TAOK2: variants seen among roughly 807,000 people sequenced by gnomAD.
TAOK2 encodes the protein TAO kinase 2.
In TAOK2, 42 loss-of-function variants were observed where a neutral mutation model predicts 122.5. The observed-to-expected ratio is 0.34, with a 90% CI of 0.27 to 0.44. The LOEUF is 0.44. Among genes scored for constraint, TAOK2 ranks in the 20% least tolerant of loss-of-function variants. The pLI is 1.00. For missense variants in TAOK2, 1,264 were observed against 1,644.9 expected (o/e 0.77, Z 4.01); for synonymous variants, 704 against 677.6 (o/e 1.04, Z -0.61).
Position 29,979,573 on chromosome 16 carries a change from G to A in TAOK2, c.655+65G>A, listed in dbSNP as rs1419068051. ...TCTTTCCTGTTAGTTCCCAGACTCC[G>A]GACTACCCCCTTCTCCTAGGGATGG... is the stretch of plus-strand genomic sequence containing the variant. On this transcript the variant is annotated intron_variant, in intron 8 of 15. Coordinates refer to ENST00000308893, the MANE Select transcript of TAOK2 (RefSeq NM_016151.4). This position sits in a 1 kb window ranked among gnomAD's most constrained non-coding sequence, Gnocchi z 4.1. 19 of 1,290,788 alleles carry A rather than the reference G, an allele frequency of 1.5e-5. No homozygotes were observed. The highest frequency in any genetic ancestry group is 1.8e-5 in the Non-Finnish European group (17 of 957,908). The allele number at this position is 1,290,788 out of a possible 1,614,324, so 80.0% of individuals were successfully genotyped here. A position where few individuals can be genotyped will look rare whatever the true frequency, so the allele number is the denominator to read the frequency against.
In TAOK2 at chr16:29,986,694, A is replaced by G. The variant is rs765912677; in HGVS notation, c.2422A>G (p.Thr808Ala). ...AAGGATTCTGGGAAAGGAAGGGGCCACTTTGGAGCCCAAGCAGCAGAGGAT... is the reference window on the plus strand; with the variant it reads ...AAGGATTCTGGGAAAGGAAGGGGCCGCTTTGGAGCCCAAGCAGCAGAGGAT... The part of the protein sequence containing the change: ...ERRILGKEGA[T>A]LEPKQQRILG... The change falls in exon 16 of 16, where the codon ACT becomes GCT. Residue 808 changes from threonine to alanine, a missense_variant. By Grantham distance (58) the Thr-to-Ala change is moderately conservative (BLOSUM62 0). Transcript: ENST00000308893. The surrounding 1 kb of genome is among the most constrained non-coding windows in gnomAD (Gnocchi z 4.2). 9.9e-6 allele frequency: 16 copies of G among 1,613,698 alleles called. No individual in the cohort carries two copies. The highest frequency in any genetic ancestry group is 3.3e-5 in the Admixed American group (2 of 59,930).
At chr16:29,989,968 T>C, downstream of TAOK2, 1 of 663,698 alleles carries the variant, frequency 1.5e-6, no homozygotes, top group Non-Finnish European at 2.5e-6. Flanking sequence ...TTATTTCATA[T>C]TCTCCTCAGT....
chr16:29,988,566 C>T (rs2069889022), downstream of TAOK2: 6 of 985,366 alleles, frequency 6.1e-6, no homozygotes, highest in Non-Finnish European at 7.2e-6. Context: ...CTTCATTGCA[C>T]CATGACCACC....
At position 29,987,948 on chromosome 16, in the gene TAOK2, C is replaced by A. The variant is rs760416360; in HGVS notation, c.3676C>A (p.Arg1226Ser). 4 of 1,547,992 alleles carry A rather than the reference C, an allele frequency of 2.6e-6. No individual in the cohort carries two copies. The East Asian group carries it at 9.0e-5, about 35-fold the overall frequency. ...TCTAGCCGGGCGGAGGTCACGCACCCGCCAGTCCCGGGCCCTGCCCCCCTG... is the reference window on the plus strand; with the variant it reads ...TCTAGCCGGGCGGAGGTCACGCACCAGCCAGTCCCGGGCCCTGCCCCCCTG... ...GTLAGRRSRTRQSRALPPWR is the reference protein window; with the variant it reads ...GTLAGRRSRTSQSRALPPWR The change falls in exon 16 of 16, where the codon CGC becomes AGC. Residue 1226 changes from arginine (R) to serine (S), a missense_variant. Physicochemically the swap from Arg to Ser is moderately radical, Grantham distance 110. This residue lies in a region of TAOK2 where 824 missense variants were observed against 908.7 expected (regional missense o/e 0.91). Coordinates refer to ENST00000308893, the MANE Select transcript of TAOK2 (RefSeq NM_016151.4).
At chr16:29,978,503 A>G (rs2069524154) in intron 4 of TAOK2, 150 bp downstream of exon 4, 4 of 889,194 alleles carry the variant, frequency 4.5e-6, no homozygotes, top group Non-Finnish European at 7.1e-6. Flanking sequence ...GTCCTCAGAC[A>G]TACCCACTGA....
At chr16:29,984,915 G>A (rs1197830276) in intron 13 of TAOK2, among the ~76,000 whole-genome samples, 3 of 152,146 alleles carry the variant, frequency 2.0e-5, no homozygotes, top group Non-Finnish European at 2.9e-5. Context: ...GGCAAAGCTG[G>A]GATTTGATCC....
At position 29,986,528 on chromosome 16, in the gene TAOK2, G is replaced by A. The variant is rs367652603; in HGVS notation, c.2256G>A (p.Pro752=). ...SLKVRAGQRP[P]GLPLPIPGAL... is the part of the protein sequence containing the mutation. The stretch of plus-strand genomic sequence containing the variant: ...AAGTACGTGCAGGCCAGCGCCCCCC[G>A]GGCCTTCCACTCCCCATTCCTGGGG... The change falls in exon 16 of 16, where the codon CCG becomes CCA. Residue 752 remains proline, a synonymous_variant. Coordinates refer to ENST00000308893, the MANE Select transcript of TAOK2 (RefSeq NM_016151.4). The surrounding 1 kb of genome is among the most constrained non-coding windows in gnomAD (Gnocchi z 4.2). 20 of 1,612,628 alleles carry A rather than the reference G, an allele frequency of 1.2e-5. No homozygotes were observed. In the Admixed American group the frequency reaches 1.3e-4, roughly 11 times the overall value.
chr16:29,983,587 TC>T lies in TAOK2; in HGVS notation c.1347del (p.Thr450ProfsTer43). 6.2e-7 allele frequency: 1 copy of T among 1,613,866 alleles called. No individual in the cohort carries two copies. The highest frequency in any genetic ancestry group is 8.5e-7 in the Non-Finnish European group (1 of 1,179,984). On this transcript the variant is annotated frameshift_variant, in exon 13 of 16. Transcript: ENST00000308893. LOFTEE classifies it high-confidence loss of function. ...GCCGCCTGCAGCCCCAGCTCCCACT[TC>T]CACCACCTCTTCCGCCCGCCGCCGG... is the stretch of plus-strand genomic sequence containing the variant. The part of the protein sequence containing the change: ...LQPPAAPAPT[S>X]TTSSARRRAY...
At position 29,985,191 on chromosome 16, in the gene TAOK2, C is replaced by T. The variant is rs768584375; in HGVS notation, c.1423-22C>T. 36 of 1,492,574 alleles carry T rather than the reference C, an allele frequency of 2.4e-5. No homozygotes were observed. The highest frequency in any genetic ancestry group is 2.9e-5 in the Non-Finnish European group (33 of 1,120,226). The allele number at this position is 1,492,574 out of a possible 1,614,324, so 92.5% of individuals were successfully genotyped here. Reference sequence around the variant, plus strand: ...CTAGGGGCCAGGCTGAGCCCCAGCTCTCACCCTCTCTCCTTCCCCAGGTCA... The same window carrying T: ...CTAGGGGCCAGGCTGAGCCCCAGCTTTCACCCTCTCTCCTTCCCCAGGTCA... On this transcript the variant is annotated intron_variant, in intron 13 of 15. Coordinates refer to ENST00000308893, the MANE Select transcript of TAOK2 (RefSeq NM_016151.4). The surrounding 1 kb of genome is among the most constrained non-coding windows in gnomAD (Gnocchi z 6.9).
chr16:29,983,039 TTCCCTGTC>T, intron 11 of TAOK2, 25 bp from the exon 12 acceptor site: 1 of 1,612,286 alleles, frequency 6.2e-7, no homozygotes, highest in Non-Finnish European at 8.5e-7. Context: ...GGGCTTCCCC[TTCCCTGTC>T]CAGCAGCCTA....
At chr16:29,977,454 T>G (rs2069489557) in intron 1 of TAOK2, among the ~76,000 whole-genome samples, 2 of 152,042 alleles carry the variant, frequency 1.3e-5, no homozygotes, top group African/African-American at 4.8e-5. Context: ...TATAGGGAAA[T>G]GAGAACTTGT....
Position 29,987,098 on chromosome 16 carries a change from G to A in TAOK2, c.2826G>A (p.Gln942=). The A allele has an allele frequency of 6.2e-7, 1 of 1,613,154 alleles. No homozygotes were observed. The highest frequency in any genetic ancestry group is 1.1e-5 in the South Asian group (1 of 91,004). ...PTHLRPCPAS[Q]LPGLLSHGLL... ...ACCTGAGGCCCTGCCCTGCCAGCCA[G>A]CTCCCTGGACTCCTGTCCCATGGCC... The change falls in exon 16 of 16, where the codon CAG becomes CAA. Residue 942 remains glutamine (Q), a synonymous_variant. Transcript: ENST00000308893.
At position 29,983,295 on chromosome 16, in the gene TAOK2, C is replaced by T. The variant is rs2069677005; in HGVS notation, c.1223C>T (p.Thr408Ile). The T allele has an allele frequency of 3.7e-6, 6 of 1,602,940 alleles. No individual in the cohort carries two copies. Among genetic ancestry groups the T allele is most frequent in the Non-Finnish European group, 5.1e-6 (6 of 1,179,512 alleles). Residue 408 changes from threonine to isoleucine, a missense_variant, in exon 12 of 16, where the codon ACA (threonine) becomes ATA (isoleucine). By Grantham distance (89) the Thr-to-Ile change is moderately conservative. Transcript: ENST00000308893. ...GCCATGATGCAGGAGGGGGAGCACA[C>T]AGTCACCTCTCACAGCTCCATTATC... ...EMAMMQEGEH[T>I]VTSHSSIIHR...
At chr16:29,983,419 C>T in intron 12 of TAOK2, 84 bp from the exon 13 acceptor site, 1 of 1,561,758 alleles carries the variant, frequency 6.4e-7, no homozygotes. Context: ...CAGCACTCCT[C>T]TGAGTCTGAT....
chr16:29,985,270 G>C lies in TAOK2; in HGVS notation c.1480G>C (p.Gly494Arg). Residue 494 changes from glycine (G) to arginine (R), a missense_variant, in exon 14 of 16, where the codon GGC becomes CGC. This residue lies in a region of TAOK2 where 64 missense variants were observed against 115.7 expected (regional missense o/e 0.55). Transcript: ENST00000308893. The surrounding 1 kb of genome is among the most constrained non-coding windows in gnomAD (Gnocchi z 6.9). ...QDSALREQLS[G>R]YKRMRRQHQK... ...CTCTGCGCTGCGGGAGCAGCTGAGCGGCTATAAGCGGATGCGACGACAGCA... is the reference window on the plus strand; with the variant it reads ...CTCTGCGCTGCGGGAGCAGCTGAGCCGCTATAAGCGGATGCGACGACAGCA... 1 of 1,571,976 alleles carries C rather than the reference G, an allele frequency of 6.4e-7. No individual in the cohort carries two copies. Among genetic ancestry groups the C allele is most frequent in the Middle Eastern group, 1.7e-4 (1 of 5,838 alleles).
rs1209469922 is a variant in TAOK2, at chr16:29,986,646, G to A, written c.2374G>A (p.Glu792Lys). 1 of 1,612,252 alleles carries A rather than the reference G, an allele frequency of 6.2e-7. No homozygotes were observed. The highest frequency in any genetic ancestry group is 8.5e-7 in the Non-Finnish European group (1 of 1,179,342). ...CCTGGACCAAAGAATGCTTGGCGAG[G>A]AGGAGGAAGCAGTTGGAGAGAGAAG... Reference protein sequence around the residue: ...AVLDQRMLGEEEEAVGERRIL... With the variant: ...AVLDQRMLGEKEEAVGERRIL... The change falls in exon 16 of 16, where the codon GAG becomes AAG. Residue 792 changes from glutamate to lysine, a missense_variant. Around this residue, in one of 4 missense-constraint regions of TAOK2, gnomAD observed 824 missense variants for 908.7 expected, o/e 0.91. Transcript: ENST00000308893. The surrounding 1 kb of genome is among the most constrained non-coding windows in gnomAD (Gnocchi z 4.2).
downstream of TAOK2, chr16:29,990,697 AC>A: frequency 4.4e-6 from 6 of 1,376,306 alleles, no homozygotes; most frequent in Middle Eastern, 2.0e-4. Flanking sequence ...GCTTCTTGAA[AC>A]CTTAGGGCCC....
downstream of TAOK2, chr16:29,991,570 G>A (rs2069970308): frequency 2.0e-6 from 3 of 1,464,552 alleles, no homozygotes; most frequent in Admixed American, 2.7e-5. The surrounding 1 kb of genome is among the most constrained non-coding windows in gnomAD (Gnocchi z 5.6). Flanking sequence ...TATTCCTGAG[G>A]TGCAGCGGGG....
downstream of TAOK2, chr16:29,991,017 C>T (rs562823279): frequency 1.6e-4 from 258 of 1,582,320 alleles, no homozygotes; most frequent in South Asian, 8.9e-4. The surrounding 1 kb of genome is among the most constrained non-coding windows in gnomAD (Gnocchi z 5.6). Context: ...CTCCTGCCCC[C>T]GACTCTAACC....
Sources: gnomAD v4.1 joint callset for allele counts (sites outside exome capture counted in the v4.1 genomes callset) on GRCh38, gnomAD v4.1.1 for gene constraint, gnomAD v4.1.1 regional missense constraint, Gnocchi (gnomAD v3.1) non-coding constraint, MANE v1.5 for transcripts, NCBI Gene and HGNC (gene_info 2026-07-23, HGNC 2026-07-21) for gene names.